Variants in TNFSF4 observed in about 807,000 individuals in gnomAD.
The protein encoded by TNFSF4 is TNF superfamily member 4, also known as tumor necrosis factor ligand superfamily member 4.
In TNFSF4, 4 loss-of-function variants were observed where a neutral mutation model predicts 7.3. That is an observed-to-expected ratio of 0.55 (90% CI 0.27 to 1.25). The LOEUF is 1.25. Among genes scored for constraint, TNFSF4 ranks in the 50% most tolerant of loss-of-function variants. The pLI, the probability that TNFSF4 is intolerant of heterozygous loss-of-function variation, is 0.12. For missense variants in TNFSF4, 181 were observed against 208.8 expected (o/e 0.87, Z 0.82); for synonymous variants, 76 against 83.7 (o/e 0.91, Z 0.50).
chr1:173,227,112 GTT>G, the TNFSF4 span, among the ~76,000 whole-genome samples: 361 of 136,898 alleles, frequency 2.6e-3, 1 homozygote, highest in African/African-American at 8.0e-3. Flanking sequence ...CTATTCTTTT[GTT>G]TTTTTTTTTT....
the TNFSF4 span, among the ~76,000 whole-genome samples, chr1:173,416,170 G>T: frequency 6.6e-6 from 1 of 152,198 alleles, no homozygotes; most frequent in African/African-American, 2.4e-5. Flanking sequence ...GTGGTGGGTG[G>T]TGATAGTGTA....
the TNFSF4 span, among the ~76,000 whole-genome samples, chr1:173,354,530 A>G: frequency 6.6e-6 from 1 of 152,202 alleles, no homozygotes; most frequent in Non-Finnish European, 1.5e-5. Flanking sequence ...TGGCAGAGAT[A>G]CAACAAAAAA....
the TNFSF4 span, among the ~76,000 whole-genome samples, chr1:173,336,055 T>A: frequency 1.3e-5 from 2 of 152,196 alleles, no homozygotes; most frequent in East Asian, 3.8e-4. Context: ...CATGTAGTTA[T>A]TTTCCCAGTT....
chr1:173,296,608 G>C, the TNFSF4 span, among the ~76,000 whole-genome samples: 2 of 151,872 alleles, frequency 1.3e-5, no homozygotes, highest in Admixed American at 6.6e-5. Context: ...GTGAGGGGTA[G>C]GGAGACAAAA....
At chr1:173,331,926 C>T in the TNFSF4 span, among the ~76,000 whole-genome samples, 2 of 152,224 alleles carry the variant, frequency 1.3e-5, no homozygotes, top group African/African-American at 2.4e-5. Context: ...TATCTGGAGA[C>T]ATTTTTGGTT....
At chr1:173,272,505 C>T in the TNFSF4 span, among the ~76,000 whole-genome samples, 37 of 151,936 alleles carry the variant, frequency 2.4e-4, no homozygotes, top group Non-Finnish European at 4.7e-4. Flanking sequence ...GATACCTAAT[C>T]GTTTCCCATC....
At chr1:173,331,237 T>C in the TNFSF4 span, among the ~76,000 whole-genome samples, 1 of 152,210 alleles carries the variant, frequency 6.6e-6, no homozygotes, top group Non-Finnish European at 1.5e-5. Context: ...TCTCAGAATG[T>C]TGTGCCTTTC....
chr1:173,275,705 G>A, the TNFSF4 span, among the ~76,000 whole-genome samples: 1 of 152,022 alleles, frequency 6.6e-6, no homozygotes, highest in African/African-American at 2.4e-5. Context: ...TGGAACCCCT[G>A]GGGGAAAAAA....
At chr1:173,218,614 AAT>A in the TNFSF4 span, among the ~76,000 whole-genome samples, 2 of 151,450 alleles carry the variant, frequency 1.3e-5, no homozygotes, top group African/African-American at 4.9e-5. Flanking sequence ...AAAAAAAAAA[AAT>A]TCCCTACTTC....
the TNFSF4 span, among the ~76,000 whole-genome samples, chr1:173,399,001 T>A: frequency 3.9e-5 from 6 of 152,308 alleles, no homozygotes; most frequent in African/African-American, 1.4e-4. Context: ...TGAGCCTTAG[T>A]CAAGGCTGAA....
At chr1:173,206,515 GCA>G (rs1650196378) in intron 1 of TNFSF4, among the ~76,000 whole-genome samples, 1 of 152,062 alleles carries the variant, frequency 6.6e-6, no homozygotes, top group Admixed American at 6.5e-5. Flanking sequence ...GAGCACATAG[GCA>G]CACACACATG....
At chr1:173,341,600 G>T in the TNFSF4 span, among the ~76,000 whole-genome samples, 1 of 152,240 alleles carries the variant, frequency 6.6e-6, no homozygotes, top group East Asian at 1.9e-4. Context: ...CTCTAAGAAA[G>T]TTCGTGAGCA....
the TNFSF4 span, among the ~76,000 whole-genome samples, chr1:173,400,568 C>T: frequency 6.6e-6 from 1 of 152,162 alleles, no homozygotes; most frequent in Non-Finnish European, 1.5e-5. Context: ...TTAAAACTGC[C>T]ACCTGGCCAC....
At chr1:173,400,349 G>C in the TNFSF4 span, among the ~76,000 whole-genome samples, 1 of 152,180 alleles carries the variant, frequency 6.6e-6, no homozygotes, top group Non-Finnish European at 1.5e-5. Flanking sequence ...AGATAGTGCT[G>C]TTTCTCCCAT....
the TNFSF4 span, among the ~76,000 whole-genome samples, chr1:173,437,971 T>A: frequency 6.6e-6 from 1 of 152,266 alleles, no homozygotes; most frequent in South Asian, 2.1e-4. Context: ...CCCTCCCCAA[T>A]AAAATCCCAC....
chr1:173,230,150 A>T, the TNFSF4 span, among the ~76,000 whole-genome samples: 1 of 152,142 alleles, frequency 6.6e-6, no homozygotes, highest in Admixed American at 6.5e-5. Flanking sequence ...GCACCACACC[A>T]CACTTATTCC....
chr1:173,216,304 C>A, the TNFSF4 span, among the ~76,000 whole-genome samples: 7 of 152,134 alleles, frequency 4.6e-5, no homozygotes, highest in African/African-American at 9.7e-5. Flanking sequence ...ATCTTTACAC[C>A]ATCAGGGGGC....
Position 173,186,256 on chromosome 1 carries a change from C to A in TNFSF4, c.*260G>T, listed in dbSNP as rs1191626400. 2 of 377,836 alleles carry A rather than the reference C, an allele frequency of 5.3e-6. No individual in the cohort carries two copies. Among genetic ancestry groups the A allele is most frequent in the South Asian group, 7.6e-5 (1 of 13,162 alleles). 23.4% of individuals were successfully genotyped at this position (377,836 alleles called of 1,614,324 possible). ...CTATTTTTTCTTTCTCACAAAGGTG[C>A]CTAGTAGGCTCAAGGCAATCTTGGG... is the stretch of plus-strand genomic sequence containing the variant. On this transcript the variant is annotated 3_prime_UTR_variant, in exon 3 of 3. Coordinates refer to ENST00000281834, the MANE Select transcript of TNFSF4 (RefSeq NM_003326.5).
the TNFSF4 span, among the ~76,000 whole-genome samples, chr1:173,400,977 G>T: frequency 3.2e-4 from 48 of 152,146 alleles, no homozygotes; most frequent in African/African-American, 1.0e-3. Flanking sequence ...TAATTGTCAT[G>T]ATTATTTCCT....
Sources: gnomAD v4.1 joint callset for allele counts (sites outside exome capture counted in the v4.1 genomes callset) on GRCh38, gnomAD v4.1.1 for gene constraint, MANE v1.5 for transcripts, NCBI Gene and HGNC (gene_info 2026-07-23, HGNC 2026-07-21) for gene names.